Variants in GRK7 observed in about 807,000 individuals in gnomAD.
The protein encoded by GRK7 is rhodopsin kinase GRK7.
A neutral mutation model predicts 34.1 loss-of-function variants in GRK7; 24 were observed. That is an observed-to-expected ratio of 0.70 (90% CI 0.51 to 0.99). The LOEUF (loss-of-function observed/expected upper bound fraction) is 0.99, where lower values mean the gene tolerates loss of function less well. GRK7 is among the 50% of genes least tolerant of loss of function. The pLI is 0.00. For missense variants in GRK7, 644 were observed against 707.3 expected (o/e 0.91, Z 1.02); for synonymous variants, 256 against 279.4 (o/e 0.92, Z 0.84).
At chr3:141,788,634 T>G (rs2084708102) in intron 4 of GRK7, among the ~76,000 whole-genome samples, 2 of 152,140 alleles carry the variant, frequency 1.3e-5, no homozygotes, top group South Asian at 4.1e-4. Context: ...GGAGCAGGTC[T>G]GCCCAGGTTT....
chr3:141,803,165 G>T (rs979442162), intron 4 of GRK7, among the ~76,000 whole-genome samples: 3 of 151,306 alleles, frequency 2.0e-5, no homozygotes, highest in Admixed American at 2.0e-4. Flanking sequence ...AGTGGCTCAC[G>T]CCTGTAATCC....
upstream of GRK7, among the ~76,000 whole-genome samples, chr3:141,763,272 T>C (rs914056564): frequency 2.0e-5 from 3 of 151,932 alleles, no homozygotes; most frequent in Non-Finnish European, 4.4e-5. Flanking sequence ...AGCCCAGAAC[T>C]GAAGTTTTGT....
rs1287173323 is a variant in GRK7 at position 141,783,160 on chromosome 3, T to G, written c.1050+2349T>G. ...ATGCAGCAGTTGAGTGTGGCCCCCT[T>G]TAGGAGCTTTCCCTGAAGCTCCATC... On this transcript the variant is annotated intron_variant, in intron 4 of 5. Transcript: ENST00000682958. Among the ~76,000 whole-genome samples, 2 of 152,158 alleles carry G rather than the reference T, an allele frequency of 1.3e-5. 1 individual carries two copies. The highest frequency in any genetic ancestry group is 2.9e-5 in the Non-Finnish European group (2 of 68,030).
chr3:141,791,393 C>G (rs1463521739), intron 4 of GRK7, among the ~76,000 whole-genome samples: 1 of 151,974 alleles, frequency 6.6e-6, no homozygotes, highest in African/African-American at 2.4e-5. Context: ...CTTCTGAGAT[C>G]TAGCTTAAGA....
At chr3:141,803,306 C>G (rs548835580) in intron 4 of GRK7, among the ~76,000 whole-genome samples, 25 of 150,638 alleles carry the variant, frequency 1.7e-4, no homozygotes, top group African/African-American at 5.9e-4. Flanking sequence ...GTGGTGCACG[C>G]CTGTAGTCCC....
At chr3:141,789,302 GTC>G (rs1315147393) in intron 4 of GRK7, among the ~76,000 whole-genome samples, 5 of 152,186 alleles carry the variant, frequency 3.3e-5, no homozygotes. Context: ...GGGAGTCTCT[GTC>G]TCTGTTTCCC....
intron 4 of GRK7, among the ~76,000 whole-genome samples, chr3:141,785,619 C>T (rs988924586): frequency 6.6e-6 from 1 of 152,074 alleles, no homozygotes; most frequent in Non-Finnish European, 1.5e-5. Context: ...CAAAAATTAG[C>T]CAGGCATGGT....
In GRK7 at chr3:141,805,289, C is replaced by G. The variant is rs1334809141; in HGVS notation, c.1051-2356C>G. ...CCCTGGAACTCATTGCAGGGCATGA[C>G]TCAACAAATGTTTTCTGCGTAGTGA... On this transcript the variant is annotated intron_variant, in intron 4 of 5. Transcript: ENST00000682958. Among the ~76,000 whole-genome samples the G allele has an allele frequency of 9.9e-5, 15 of 152,246 alleles. 1 individual carries two copies. Among genetic ancestry groups the G allele is most frequent in the Admixed American group, 9.2e-4 (14 of 15,282 alleles).
intron 1 of GRK7, among the ~76,000 whole-genome samples, chr3:141,771,231 G>GTA (rs1491441609): frequency 3.3e-5 from 5 of 151,846 alleles, no homozygotes; most frequent in East Asian, 2.0e-4. Flanking sequence ...GTGTGTGTGT[G>GTA]TACACATATC....
chr3:141,797,415 C>A (rs1710902142), intron 4 of GRK7, among the ~76,000 whole-genome samples: 1 of 152,200 alleles, frequency 6.6e-6, no homozygotes, highest in Non-Finnish European at 1.5e-5. Flanking sequence ...TCTGCAAAGG[C>A]CACTGCTTAA....
At chr3:141,774,775 GTCAGATTATTATTATT>G (rs1421738891) in intron 2 of GRK7, among the ~76,000 whole-genome samples, 95 bp downstream of exon 2, 3 of 128,432 alleles carry the variant, frequency 2.3e-5, no homozygotes, top group African/African-American at 8.5e-5. Context: ...GTTGTCACCA[GTCAGATTATTATTATT>G]ATTATTATTA....
rs1353697884 is a variant in GRK7 at position 141,763,927 on chromosome 3, C to CT, written c.-2025dup. ...AAAACCTGGTTCTCCCCCAAGGACACTGTTTCTTCTGCAACACTTCTGCTC... is the reference window on the plus strand; with the variant it reads ...AAAACCTGGTTCTCCCCCAAGGACACTTGTTTCTTCTGCAACACTTCTGCTC... On this transcript the variant is annotated 5_prime_UTR_variant, in exon 1 of 6. Coordinates refer to ENST00000682958, the MANE Select transcript of GRK7 (RefSeq NM_139209.3). Among the ~76,000 whole-genome samples, 1 of 152,142 alleles carries CT rather than the reference C, an allele frequency of 6.6e-6. No individual in the cohort carries two copies.
At chr3:141,754,432 CTTT>C in the GRK7 span, among the ~76,000 whole-genome samples, 7 of 119,574 alleles carry the variant, frequency 5.9e-5, no homozygotes, top group Admixed American at 8.9e-5. Context: ...TCACCACTGT[CTTT>C]TTTTTTTTTT....
At chr3:141,794,262 T>C (rs1337290302) in intron 4 of GRK7, among the ~76,000 whole-genome samples, 5 of 152,192 alleles carry the variant, frequency 3.3e-5, no homozygotes, top group Non-Finnish European at 5.9e-5. Flanking sequence ...AGTAAAGGTA[T>C]GCCTCTGAGC....
At chr3:141,760,123 AT>A (rs1304757452), upstream of GRK7, among the ~76,000 whole-genome samples, 1 of 151,664 alleles carries the variant, frequency 6.6e-6, no homozygotes, top group Non-Finnish European at 1.5e-5. Flanking sequence ...GGATTCATTG[AT>A]TTTTTGAAGG....
the GRK7 span, among the ~76,000 whole-genome samples, chr3:141,757,118 T>C: frequency 6.7e-6 from 1 of 149,360 alleles, no homozygotes; most frequent in Non-Finnish European, 1.5e-5. Context: ...ACAATACGCT[T>C]AGATCTTCTT....
Position 141,811,495 on chromosome 3 carries a change from A to G in GRK7, c.1325+3576A>G, listed in dbSNP as rs185728892. Among the ~76,000 whole-genome samples, 574 of 152,310 alleles carry G rather than the reference A, an allele frequency of 3.8e-3. 1 individual carries two copies. The highest frequency in any genetic ancestry group is 0.013 in the African/African-American group (552 of 41,554). ...CTCCCTGAAGCTGCTTCCTCAAGCA[A>G]AGCCTTTTTAGTAAAGCATCTGTTG... On this transcript the variant is annotated intron_variant, in intron 5 of 5. Coordinates refer to ENST00000682958, the MANE Select transcript of GRK7 (RefSeq NM_139209.3).
At chr3:141,793,030 C>T (rs73872337) in intron 4 of GRK7, among the ~76,000 whole-genome samples, 1 of 152,322 alleles carries the variant, frequency 6.6e-6, no homozygotes, top group African/African-American at 2.4e-5. Flanking sequence ...CTCACCCCAG[C>T]TCCATGGGGA....
At chr3:141,757,129 CTT>C in the GRK7 span, among the ~76,000 whole-genome samples, 1,563 of 101,316 alleles carry the variant, frequency 0.015, 9 homozygotes, top group African/African-American at 0.041. Context: ...AGATCTTCTT[CTT>C]TTTTTTTTTT....
Sources: allele counts gnomAD v4.1 joint callset (sites outside exome capture counted in the v4.1 genomes callset), GRCh38; gene constraint gnomAD v4.1.1; transcripts MANE v1.5; gene names NCBI Gene and HGNC (gene_info 2026-07-23, HGNC 2026-07-21).